Variants in DSCAM observed in about 807,000 individuals in gnomAD.
DSCAM encodes cell adhesion molecule DSCAM.
Under a neutral mutation model 217.7 loss-of-function variants are expected in DSCAM, and 47 were observed. The ratio of observed to expected loss-of-function variants is 0.22; its 90% confidence interval spans 0.17 to 0.28. The LOEUF (loss-of-function observed/expected upper bound fraction) is 0.28. DSCAM is among the 10% of genes least tolerant of loss of function. The pLI, the probability that DSCAM is intolerant of heterozygous loss-of-function variation, is 1.00. For synonymous variants in DSCAM, 1,056 were observed against 1,015.3 expected (o/e 1.04, Z -0.76); for missense variants, 2,080 against 2,618.3 (o/e 0.79, Z 4.49).
intron 10 of DSCAM, among the ~76,000 whole-genome samples, chr21:40,280,283 G>A (rs2073743184): frequency 6.8e-6 from 1 of 146,630 alleles, no homozygotes; most frequent in Non-Finnish European, 1.5e-5. Flanking sequence ...CCGGGTTCAA[G>A]CAATCCTCCC....
intron 3 of DSCAM, among the ~76,000 whole-genome samples, chr21:40,448,273 T>A (rs1309453743): frequency 6.6e-6 from 1 of 152,184 alleles, no homozygotes; most frequent in Non-Finnish European, 1.5e-5. Context: ...CACCATCCAA[T>A]CCAATGAAGG....
chr21:40,123,743 T>G (rs75014128), intron 20 of DSCAM, among the ~76,000 whole-genome samples: 1 of 121,246 alleles, frequency 8.2e-6, no homozygotes. Context: ...CTGTGAGAGA[T>G]GGAGGAGGGA....
intron 32 of DSCAM, among the ~76,000 whole-genome samples, chr21:40,020,530 TGAGAGA>T (rs140985038): frequency 1.3e-5 from 2 of 148,670 alleles, no homozygotes; most frequent in African/African-American, 4.9e-5. Context: ...TGTGTGTGTG[TGAGAGA>T]GAGAGAGAGA....
At chr21:40,407,987 G>T (rs2075292819) in intron 3 of DSCAM, among the ~76,000 whole-genome samples, 1 of 152,164 alleles carries the variant, frequency 6.6e-6, no homozygotes, top group Non-Finnish European at 1.5e-5. Flanking sequence ...AAGGAACTTA[G>T]CTCTTTATAA....
chr21:40,153,580 A>G (rs1337916185), intron 16 of DSCAM, among the ~76,000 whole-genome samples: 1 of 152,180 alleles, frequency 6.6e-6, no homozygotes, highest in African/African-American at 2.4e-5. Flanking sequence ...AGCTAGGGAC[A>G]TATCTACGGG....
chr21:40,125,738 A>C (rs1317834409), intron 19 of DSCAM, among the ~76,000 whole-genome samples: 1 of 152,218 alleles, frequency 6.6e-6, no homozygotes, highest in Non-Finnish European at 1.5e-5. Context: ...CTGGGTTAAA[A>C]AATCCCTTGA....
chr21:40,793,386 A>G lies in DSCAM; in HGVS notation c.43+53233T>C, dbSNP rs116646417. On this transcript the variant is annotated intron_variant, in intron 1 of 32. Transcript: ENST00000400454. ...ACATGATGGCACAGGAATCAAAGCA[A>G]CTTTCCAGGATACTCTTGTCTTGGG... is the stretch of plus-strand genomic sequence containing the variant. Among the ~76,000 whole-genome samples, 827 of 152,324 alleles carry G rather than the reference A, an allele frequency of 5.4e-3. 4 individuals carry two copies. The highest frequency in any genetic ancestry group is 0.019 in the African/African-American group (777 of 41,566).
intron 4 of DSCAM, among the ~76,000 whole-genome samples, chr21:40,367,899 T>A (rs907388689): frequency 2.0e-5 from 3 of 152,228 alleles, no homozygotes; most frequent in Non-Finnish European, 2.9e-5. Context: ...TGTGACTACT[T>A]CTGTCCATTT....
At chr21:40,223,937 C>A (rs932720668) in intron 11 of DSCAM, among the ~76,000 whole-genome samples, 2 of 152,204 alleles carry the variant, frequency 1.3e-5, no homozygotes, top group African/African-American at 4.8e-5. Context: ...ACCCCTACCC[C>A]ACCCCACATG....
chr21:40,181,492 G>T (rs551134731), intron 14 of DSCAM, among the ~76,000 whole-genome samples: 1 of 152,108 alleles, frequency 6.6e-6, no homozygotes, highest in South Asian at 2.1e-4. Flanking sequence ...ATCCTGTCAA[G>T]GTAAGGTTTT....
intron 1 of DSCAM, among the ~76,000 whole-genome samples, chr21:40,772,224 A>C (rs535928896): frequency 6.6e-6 from 1 of 152,140 alleles, no homozygotes; most frequent in East Asian, 1.9e-4. Flanking sequence ...GCTGGAGTGC[A>C]ATGGTGTGAT....
At chr21:40,135,978 C>T (rs2090204128) in intron 18 of DSCAM, among the ~76,000 whole-genome samples, 1 of 152,174 alleles carries the variant, frequency 6.6e-6, no homozygotes, top group East Asian at 1.9e-4. Flanking sequence ...CCAGTGGGAG[C>T]CAAAGGCCTG....
intron 1 of DSCAM, among the ~76,000 whole-genome samples, chr21:40,793,093 T>C (rs887913044): frequency 2.0e-5 from 3 of 152,236 alleles, no homozygotes; most frequent in South Asian, 2.1e-4. Context: ...TTCTGCAGAC[T>C]GAACTAAAAC....
At chr21:40,043,072 G>C (rs764721977) in intron 31 of DSCAM, among the ~76,000 whole-genome samples, 1 of 152,232 alleles carries the variant, frequency 6.6e-6, no homozygotes, top group Admixed American at 6.5e-5. Flanking sequence ...TTGAGCTGCA[G>C]TTCAGCTTCT....
At chr21:40,097,693 G>A (rs1033624791) in intron 20 of DSCAM, among the ~76,000 whole-genome samples, 1 of 152,060 alleles carries the variant, frequency 6.6e-6, no homozygotes, top group Non-Finnish European at 1.5e-5. Flanking sequence ...TGTAATCCCA[G>A]CACTGTGGGA....
chr21:40,699,982 AGAG>A (rs923071726), intron 2 of DSCAM, among the ~76,000 whole-genome samples: 46 of 152,360 alleles, frequency 3.0e-4, no homozygotes, highest in East Asian at 2.9e-3. Context: ...TCATAGCTAG[AGAG>A]GAGAAGTCAA....
intron 3 of DSCAM, among the ~76,000 whole-genome samples, chr21:40,503,943 C>A (rs1395639546): frequency 6.6e-6 from 1 of 152,182 alleles, no homozygotes; most frequent in African/African-American, 2.4e-5. Flanking sequence ...GTCATTTCTG[C>A]TAGTTCACTG....
At chr21:40,432,208 T>TAAAA (rs1555917756) in intron 3 of DSCAM, among the ~76,000 whole-genome samples, 1 of 76,132 alleles carries the variant, frequency 1.3e-5, no homozygotes, top group Admixed American at 1.8e-4. Context: ...AAAATAATAA[T>TAAAA]AAAAAATAAA....
intron 3 of DSCAM, among the ~76,000 whole-genome samples, chr21:40,488,116 C>A (rs2076045291): frequency 6.6e-6 from 1 of 152,178 alleles, no homozygotes; most frequent in Non-Finnish European, 1.5e-5. Context: ...CCACATTAAT[C>A]AAAACTTTTC....
Sources: gnomAD v4.1 joint callset for allele counts (sites outside exome capture counted in the v4.1 genomes callset) on GRCh38, gnomAD v4.1.1 for gene constraint, MANE v1.5 for transcripts, NCBI Gene and HGNC (gene_info 2026-07-23, HGNC 2026-07-21) for gene names.